Variants in SAMD9L observed in about 807,000 individuals in gnomAD.
SAMD9L encodes sterile alpha motif domain containing 9 like, also known as sterile alpha motif domain-containing protein 9-like.
A neutral mutation model predicts 90.7 loss-of-function variants in SAMD9L; 68 were observed. The observed-to-expected ratio is 0.75, with a 90% CI of 0.62 to 0.92. SAMD9L has a LOEUF of 0.92. Ranked by LOEUF, SAMD9L falls within the 40% of genes least tolerant of loss-of-function variation. The pLI, the probability that SAMD9L is intolerant of heterozygous loss-of-function variation, is 0.00. For missense variants in SAMD9L, 1,604 were observed against 1,824.3 expected (o/e 0.88, Z 2.20); for synonymous variants, 640 against 630.1 (o/e 1.02, Z -0.23).
rs1474244925 is a variant in SAMD9L, at chr7:93,134,344, A to G, written c.1628T>C (p.Phe543Ser). 1 of 1,610,946 alleles carries G rather than the reference A, an allele frequency of 6.2e-7. No homozygotes were observed. Among genetic ancestry groups the G allele is most frequent in the Non-Finnish European group, 8.5e-7 (1 of 1,179,130 alleles). ...AGAGAGTAATAGAAACACTACCAAA[A>G]ATTTTCCTCTTGTCATTATATTTTC... ...TDENIMTRGK[F>S]LVVFLLLSSV... Residue 543 changes from phenylalanine (F) to serine (S), a missense_variant, in exon 5 of 5, where the codon TTT becomes TCT. Phe to Ser is a radical substitution (Grantham distance 155). This residue lies in a region of SAMD9L where 606 missense variants were observed against 717.6 expected (regional missense o/e 0.84). Coordinates refer to ENST00000318238, the MANE Select transcript of SAMD9L (RefSeq NM_152703.5).
In SAMD9L at chr7:93,135,872, C is replaced by T. The variant is rs139244356; in HGVS notation, c.100G>A (p.Gly34Arg). 29 of 1,613,838 alleles carry T rather than the reference C, an allele frequency of 1.8e-5. No homozygotes were observed. The highest frequency in any genetic ancestry group is 1.6e-4 in the Middle Eastern group (1 of 6,080). ...NEDLKINEQY[G>R]QILLSEEVTG... ...ACTTCTTCACTGAGCAGAATTTGCC[C>T]GTATTGCTCATTAATCTTAAGGTCT... Residue 34 changes from glycine to arginine, a missense_variant, in exon 5 of 5, where the codon GGG becomes AGG. Around this residue, in one of 7 missense-constraint regions of SAMD9L, gnomAD observed 24 missense variants for 41.8 expected, o/e 0.57. Coordinates refer to ENST00000318238, the MANE Select transcript of SAMD9L (RefSeq NM_152703.5).
At chr7:93,142,531 T>C (rs1792733144) in intron 4 of SAMD9L, among the ~76,000 whole-genome samples, 1 of 152,246 alleles carries the variant, frequency 6.6e-6, no homozygotes, top group Non-Finnish European at 1.5e-5. Context: ...GTAAACATTT[T>C]ATTCTTCATC....
chr7:93,136,751 T>A (rs1427781348), intron 4 of SAMD9L, among the ~76,000 whole-genome samples: 1 of 152,232 alleles, frequency 6.6e-6, no homozygotes, highest in Non-Finnish European at 1.5e-5. Context: ...TATTTTGGAC[T>A]CCTAGAACAG....
At position 93,134,392 on chromosome 7, in the gene SAMD9L, T is replaced by G. The variant is rs1470463018; in HGVS notation, c.1580A>C (p.Lys527Thr). ...WQRERASEVR[K>T]LILFLTDENI... ...TTCATCTGTGAGAAATAAAATTAGT[T>G]TCCTGACTTCTGAAGCTCTTTCTCT... Residue 527 changes from lysine (K) to threonine (T), a missense_variant, in exon 5 of 5, where the codon AAA becomes ACA. Lys to Thr is a moderately conservative substitution (Grantham distance 78). Coordinates refer to ENST00000318238, the MANE Select transcript of SAMD9L (RefSeq NM_152703.5). The G allele has an allele frequency of 6.2e-7, 1 of 1,612,578 alleles. No homozygotes were observed. The highest frequency in any genetic ancestry group is 1.3e-5 in the African/African-American group (1 of 74,852).
At chr7:93,143,796 C>T (rs1284846870) in intron 4 of SAMD9L, among the ~76,000 whole-genome samples, 1 of 152,172 alleles carries the variant, frequency 6.6e-6, no homozygotes, top group Non-Finnish European at 1.5e-5. Flanking sequence ...CTTATATGAT[C>T]TATAATCCAT....
Position 93,134,998 on chromosome 7 carries a change from A to T in SAMD9L, c.974T>A (p.Met325Lys). 1 of 1,613,312 alleles carries T rather than the reference A, an allele frequency of 6.2e-7. No individual in the cohort carries two copies. Among genetic ancestry groups the T allele is most frequent in the Non-Finnish European group, 8.5e-7 (1 of 1,179,268 alleles). The part of the protein sequence containing the change: ...ICNDKYFYIQ[M>K]QICKDKIWKQ... Reference sequence around the variant, plus strand: ...CCATATTTTATCTTTACAAATTTGCATCTGAATGTAGAAATACTTATCATT... The same window carrying T: ...CCATATTTTATCTTTACAAATTTGCTTCTGAATGTAGAAATACTTATCATT... Residue 325 changes from methionine to lysine, a missense_variant, in exon 5 of 5, where the codon ATG becomes AAG. Coordinates refer to ENST00000318238, the MANE Select transcript of SAMD9L (RefSeq NM_152703.5).
intron 4 of SAMD9L, among the ~76,000 whole-genome samples, chr7:93,143,162 C>T (rs1792758636): frequency 6.6e-6 from 1 of 152,160 alleles, no homozygotes; most frequent in African/African-American, 2.4e-5. Flanking sequence ...GATAGAAACA[C>T]CCTTCTCAAA....
rs370655820 is a variant in SAMD9L, at chr7:93,132,964, C to G, written c.3008G>C (p.Ser1003Thr). The G allele has an allele frequency of 2.4e-5, 38 of 1,613,314 alleles. No homozygotes were observed. The highest frequency in any genetic ancestry group is 3.1e-5 in the Non-Finnish European group (37 of 1,179,654). Residue 1003 changes from serine (S) to threonine (T), a missense_variant, in exon 5 of 5, where the codon AGC becomes ACC. By Grantham distance (58) the Ser-to-Thr change is moderately conservative. Coordinates refer to ENST00000318238, the MANE Select transcript of SAMD9L (RefSeq NM_152703.5). Reference protein sequence around the residue: ...ALYCLKELERSYHLDKCQIAL... With the variant: ...ALYCLKELERTYHLDKCQIAL... ...AATTTGACATTTATCCAAGTGATAG[C>G]TTCTTTCCAGTTCTTTTAGACAGTA... is the stretch of plus-strand genomic sequence containing the variant.
chr7:93,132,198 T>C lies in SAMD9L; in HGVS notation c.3774A>G (p.Lys1258=). The C allele has an allele frequency of 6.2e-7, 1 of 1,613,782 alleles. No individual in the cohort carries two copies. Among genetic ancestry groups the C allele is most frequent in the Non-Finnish European group, 8.5e-7 (1 of 1,179,880 alleles). ...ACCTTTTCAGATCTGATTGTAAATTTTTTAGGTGGGATGTGAACTTGCTAA... is the reference window on the plus strand; with the variant it reads ...ACCTTTTCAGATCTGATTGTAAATTCTTTAGGTGGGATGTGAACTTGCTAA... The part of the protein sequence containing the change: ...LALSKFTSHL[K]NLQSDLKRCF... Residue 1258 remains lysine, a synonymous_variant, in exon 5 of 5, where the codon AAA becomes AAG. Coordinates refer to ENST00000318238, the MANE Select transcript of SAMD9L (RefSeq NM_152703.5).
rs758096154 is a variant in SAMD9L, at chr7:93,133,666, T to C, written c.2306A>G (p.Asn769Ser). The C allele has an allele frequency of 6.2e-7, 1 of 1,613,578 alleles. No homozygotes were observed. The highest frequency in any genetic ancestry group is 8.5e-7 in the Non-Finnish European group (1 of 1,179,812). ...AATTTCTGCAAAATCAGTTGTCTTG[T>C]TTTTTAACACAGCACATCTGAAGTT... ...KKNFRCAVLK[N>S]KTTDFAEIAE... The change falls in exon 5 of 5, where the codon AAC becomes AGC. Residue 769 changes from asparagine (N) to serine (S), a missense_variant. By Grantham distance (46) the Asn-to-Ser change is conservative. This residue lies in a region of SAMD9L where 606 missense variants were observed against 717.6 expected (regional missense o/e 0.84). Transcript: ENST00000318238.
chr7:93,138,428 A>G (rs541712861), intron 4 of SAMD9L, among the ~76,000 whole-genome samples: 2 of 109,468 alleles, frequency 1.8e-5, no homozygotes, highest in Middle Eastern at 6.1e-3. Flanking sequence ...AAAAGGAAAT[A>G]AGTCACACAC....
chr7:93,132,497 C>T lies in SAMD9L; in HGVS notation c.3475G>A (p.Ala1159Thr). Residue 1159 changes from alanine to threonine, a missense_variant, in exon 5 of 5, where the codon GCC (alanine) becomes ACC (threonine). By Grantham distance (58) the Ala-to-Thr change is moderately conservative (BLOSUM62 0). Transcript: ENST00000318238. Reference protein sequence around the residue: ...LTHLLEAAEKASRAFKESQRQ... With the variant: ...LTHLLEAAEKTSRAFKESQRQ... ...TGGGATTCTTTGAAAGCTCTTGAGGCTTTTTCCGCAGCTTCTAGGAGATGT... is the reference window on the plus strand; with the variant it reads ...TGGGATTCTTTGAAAGCTCTTGAGGTTTTTTCCGCAGCTTCTAGGAGATGT... 6.2e-7 allele frequency: 1 copy of T among 1,613,810 alleles called. No individual in the cohort carries two copies. The highest frequency in any genetic ancestry group is 8.5e-7 in the Non-Finnish European group (1 of 1,179,806).
In SAMD9L at chr7:93,133,832, T is replaced by A. The variant is rs781131220; in HGVS notation, c.2140A>T (p.Ser714Cys). Residue 714 changes from serine (S) to cysteine (C), a missense_variant, in exon 5 of 5, where the codon AGT becomes TGT. Physicochemically the swap from Ser to Cys is moderately radical, Grantham distance 112. Coordinates refer to ENST00000318238, the MANE Select transcript of SAMD9L (RefSeq NM_152703.5). ...NYSSDFVKRD[S>C]YEKLKDLIHC... is the part of the protein sequence containing the mutation. Reference sequence around the variant, plus strand: ...ATTAAATCTTTAAGCTTTTCATAACTGTCCCTTTTAACAAAATCTGAAGAA... The same window carrying A: ...ATTAAATCTTTAAGCTTTTCATAACAGTCCCTTTTAACAAAATCTGAAGAA... The A allele has an allele frequency of 2.5e-6, 4 of 1,613,356 alleles. No individual in the cohort carries two copies. The East Asian group carries it at 8.9e-5, about 36-fold the overall frequency.
chr7:93,131,373 T>C lies in SAMD9L; in HGVS notation c.4599A>G (p.Leu1533=), dbSNP rs895948160. 8 of 1,613,716 alleles carry C rather than the reference T, an allele frequency of 5.0e-6. No homozygotes were observed. Among genetic ancestry groups the C allele is most frequent in the South Asian group, 1.1e-5 (1 of 91,056 alleles). The change falls in exon 5 of 5, where the codon CTA becomes CTG. Residue 1533 remains leucine, a synonymous_variant. Coordinates refer to ENST00000318238, the MANE Select transcript of SAMD9L (RefSeq NM_152703.5). ...RRLTGQAEGK[L]ISVEYGTEEK... is the part of the protein sequence containing the mutation. ...CCTCTGTTCCATATTCTACAGAGATTAGCTTGCCTTCAGCCTGACCAGTTA... is the reference window on the plus strand; with the variant it reads ...CCTCTGTTCCATATTCTACAGAGATCAGCTTGCCTTCAGCCTGACCAGTTA...
rs1792076305 is a variant in SAMD9L, at chr7:93,131,292, C to T, written c.4680G>A (p.Arg1560=). 1 of 1,611,390 alleles carries T rather than the reference C, an allele frequency of 6.2e-7. No homozygotes were observed. Among genetic ancestry groups the T allele is most frequent in the Non-Finnish European group, 8.5e-7 (1 of 1,178,862 alleles). ...SVYSGPLRSG[R]NIERVSFYLG... ...GGTAGAAAGACACTCTTTCTATGTT[C>T]CTACCACTTCTGAGTGGACCTGAAT... Residue 1560 remains arginine, a synonymous_variant, in exon 5 of 5, where the codon AGG becomes AGA. Coordinates refer to ENST00000318238, the MANE Select transcript of SAMD9L (RefSeq NM_152703.5).
Position 93,130,181 on chromosome 7 carries a change from T to A in SAMD9L, c.*1036A>T, listed in dbSNP as rs1331130928. ...GAATGCTGCTTGAGACTGTTCTGGC[T>A]GTTGTGCATCTGAGAATGAGCTTCT... is the stretch of plus-strand genomic sequence containing the variant. On this transcript the variant is annotated 3_prime_UTR_variant, in exon 5 of 5. Transcript: ENST00000318238. 1.3e-5 allele frequency: 2 copies of A among 152,240 alleles called. No individual in the cohort carries two copies. The highest frequency in any genetic ancestry group is 1.5e-5 in the Non-Finnish European group (1 of 68,050). The allele number at this position is 152,240 out of a possible 1,614,324, so 9.4% of individuals were successfully genotyped here.
At chr7:93,146,321 C>T (rs981173565) in intron 2 of SAMD9L, among the ~76,000 whole-genome samples, 4 of 152,210 alleles carry the variant, frequency 2.6e-5, no homozygotes, top group African/African-American at 9.7e-5. Flanking sequence ...TCAAATGTCA[C>T]CTTCTCAGCA....
chr7:93,141,314 G>C, intron 4 of SAMD9L, among the ~76,000 whole-genome samples: 1 of 152,128 alleles, frequency 6.6e-6, no homozygotes, highest in South Asian at 2.1e-4. Context: ...TTCTCCCTAT[G>C]AATCTCATCT....
intron 4 of SAMD9L, among the ~76,000 whole-genome samples, chr7:93,141,277 T>C (rs1156497202): frequency 1.3e-5 from 2 of 152,224 alleles, no homozygotes; most frequent in Non-Finnish European, 2.9e-5. Flanking sequence ...ACCTAGCCTC[T>C]TTTCTATCTA....
Sources: gnomAD v4.1 joint callset for allele counts (sites outside exome capture counted in the v4.1 genomes callset) on GRCh38, gnomAD v4.1.1 for gene constraint, gnomAD v4.1.1 regional missense constraint, MANE v1.5 for transcripts, NCBI Gene and HGNC (gene_info 2026-07-23, HGNC 2026-07-21) for gene names.